The following ABCA4 variants were observed in gnomAD, a reference collection of about 807,000 sequenced individuals.
The protein encoded by ABCA4 is ATP binding cassette subfamily A member 4.
ABCA4 carries 196 observed loss-of-function variants against 263.7 expected under a neutral mutation model. The ratio of observed to expected loss-of-function variants is 0.74; its 90% CI spans 0.66 to 0.84. ABCA4 has a LOEUF of 0.84. Ranked by LOEUF, ABCA4 falls within the 40% of genes least tolerant of loss-of-function variation. The pLI is 0.00. For synonymous variants in ABCA4, 1,133 were observed against 1,094.2 expected (o/e 1.04, Z -0.70); for missense variants, 2,792 against 2,855.1 (o/e 0.98, Z 0.50).
At chr1:94,090,514 G>A (rs527929869) in intron 6 of ABCA4, among the ~76,000 whole-genome samples, 21 of 152,196 alleles carry the variant, frequency 1.4e-4, no homozygotes, top group Non-Finnish European at 2.5e-4. Flanking sequence ...ACTGGCCAGA[G>A]TCAACTCATT....
intron 3 of ABCA4, among the ~76,000 whole-genome samples, chr1:94,109,670 AGATG>A (rs1422015149): frequency 1.3e-5 from 2 of 152,200 alleles, no homozygotes; most frequent in Non-Finnish European, 2.9e-5. Context: ...TGGCAGGCCC[AGATG>A]GAAGAGAGTT....
intron 44 of ABCA4, among the ~76,000 whole-genome samples, chr1:94,004,032 A>G (rs1416933621): frequency 6.6e-6 from 1 of 152,096 alleles, no homozygotes; most frequent in African/African-American, 2.4e-5. Context: ...GGAACTTATC[A>G]TTTATTGGAG....
In ABCA4 at chr1:94,081,747, T is replaced by C. The variant is rs75017380; in HGVS notation, c.859-1029A>G. Among the ~76,000 whole-genome samples the C allele has an allele frequency of 7.0e-3, 1,060 of 152,342 alleles. 13 individuals are homozygous for C. The highest frequency in any genetic ancestry group is 0.046 in the East Asian group (239 of 5,188). On this transcript the variant is annotated intron_variant, in intron 7 of 49. Transcript: ENST00000370225. ...GAGGTTGGTGGCCTTCTCTTCTCCA[T>C]GTGGGCACCCTGTGGTGCTTGCTGG...
chr1:94,077,973 G>T, intron 10 of ABCA4, 86 bp from the exon 11 acceptor site: 11 of 1,373,308 alleles, frequency 8.0e-6, no homozygotes, highest in Non-Finnish European at 1.1e-5. Context: ...CTAATTTTTA[G>T]TGATTGAGGA....
chr1:94,120,929 CTGTT>C lies in ABCA4; in HGVS notation c.66+47_66+50del, dbSNP rs930449885. 2.2e-6 allele frequency: 3 copies of C among 1,391,662 alleles called. No individual in the cohort carries two copies. The African/African-American group carries it at 4.4e-5, about 20-fold the overall frequency. 86.2% of individuals were successfully genotyped at this position (1,391,662 alleles called of 1,614,324 possible). On this transcript the variant is annotated intron_variant, in intron 1 of 49. Coordinates refer to ENST00000370225, the MANE Select transcript of ABCA4 (RefSeq NM_000350.3). ...CACCACCCCACCCCACACTTCCAAC[CTGTT>C]TATTTGCTCCACACCTCATTTTTAA...
intron 4 of ABCA4, among the ~76,000 whole-genome samples, chr1:94,104,713 T>C (rs1218134249): frequency 2.6e-5 from 4 of 152,234 alleles, no homozygotes; most frequent in Admixed American, 1.3e-4. Context: ...ATAGGAAAGA[T>C]CCAAGGACTT....
chr1:94,031,402 C>T (rs1660197649), intron 27 of ABCA4, among the ~76,000 whole-genome samples: 1 of 152,162 alleles, frequency 6.6e-6, no homozygotes, highest in South Asian at 2.1e-4. Flanking sequence ...ACGTGACTCA[C>T]TGTTCTTTAA....
chr1:93,998,841 C>T (rs1269196996), intron 47 of ABCA4, among the ~76,000 whole-genome samples: 1 of 151,446 alleles, frequency 6.6e-6, no homozygotes, highest in Non-Finnish European at 1.5e-5. Flanking sequence ...TGGGTTCAAG[C>T]AATTCTCCTG....
intron 1 of ABCA4, among the ~76,000 whole-genome samples, chr1:94,117,015 T>C (rs1042740637): frequency 3.5e-5 from 5 of 143,490 alleles, no homozygotes; most frequent in Admixed American, 2.8e-4. Flanking sequence ...TCTTTCTTTC[T>C]TTCTTTCTTT....
intron 14 of ABCA4, 74 bp downstream of exon 14, chr1:94,060,463 G>A: frequency 7.2e-7 from 1 of 1,389,876 alleles, no homozygotes; most frequent in Non-Finnish European, 1.0e-6. Context: ...GACTAATCCA[G>A]GCACATGAAC....
At chr1:94,008,405 G>A in intron 41 of ABCA4, 108 bp from the exon 42 acceptor site, 1 of 1,135,592 alleles carries the variant, frequency 8.8e-7, no homozygotes, top group Non-Finnish European at 1.3e-6. Flanking sequence ...ACCAGCACTA[G>A]GAGGTTACAT....
chr1:94,044,812 C>G (rs1660629041), intron 19 of ABCA4, 68 bp from the exon 20 acceptor site: 1 of 1,609,912 alleles, frequency 6.2e-7, no homozygotes. Flanking sequence ...GGGCCACCCC[C>G]ACACCAGGTT....
intron 7 of ABCA4, among the ~76,000 whole-genome samples, chr1:94,081,563 C>A (rs1661703280): frequency 6.6e-6 from 1 of 152,138 alleles, no homozygotes; most frequent in African/African-American, 2.4e-5. Flanking sequence ...TCTTCCATTT[C>A]CTTGAAATGT....
chr1:94,109,139 T>C (rs1158292004), intron 3 of ABCA4, among the ~76,000 whole-genome samples: 3 of 151,630 alleles, frequency 2.0e-5, no homozygotes, highest in African/African-American at 7.3e-5. Flanking sequence ...CTTACAATAC[T>C]GCCAAGGCAG....
intron 11 of ABCA4, among the ~76,000 whole-genome samples, chr1:94,072,508 A>AG (rs1661428525): frequency 1.3e-5 from 2 of 152,142 alleles, no homozygotes; most frequent in Admixed American, 1.3e-4. Context: ...TCCAAAGGGG[A>AG]GGGGTGTGTA....
rs1247681526 is a variant in ABCA4, at chr1:94,037,285, T to C, written c.3673A>G (p.Ile1225Val). 1.2e-6 allele frequency: 2 copies of C among 1,614,102 alleles called. No homozygotes were observed. The highest frequency in any genetic ancestry group is 1.7e-6 in the Non-Finnish European group (2 of 1,180,054). Residue 1225 changes from isoleucine to valine, a missense_variant, in exon 25 of 50, where the codon ATT (isoleucine) becomes GTT (valine). Transcript: ENST00000370225. Reference protein sequence around the residue: ...HVPEAKLVECIGQELIFLLPN... With the variant: ...HVPEAKLVECVGQELIFLLPN... ...AGAAGGAAGATAAGTTCTTGACCAA[T>C]GCACTCCACCAGCTTTGCCTCTGGA...
intron 15 of ABCA4, among the ~76,000 whole-genome samples, chr1:94,056,139 T>C (rs1660971851): frequency 1.3e-5 from 2 of 152,212 alleles, no homozygotes; most frequent in Admixed American, 6.5e-5. Flanking sequence ...TCTGCAAACA[T>C]TGGTAGAGCA....
In ABCA4 at chr1:94,098,053, G is replaced by C. The variant is rs75477046; in HGVS notation, c.768+741C>G. Among the ~76,000 whole-genome samples the C allele has an allele frequency of 3.7e-3, 556 of 152,264 alleles. 5 individuals carry two copies. The highest frequency in any genetic ancestry group is 7.2e-3 in the Admixed American group (110 of 15,300). On this transcript the variant is annotated intron_variant, in intron 6 of 49. Transcript: ENST00000370225. Reference sequence around the variant, plus strand: ...ATTACAGGCGTGAGCCACTGCGCCCGGCCCTCTGATGGTTTTTATGCACTT... The same window carrying C: ...ATTACAGGCGTGAGCCACTGCGCCCCGCCCTCTGATGGTTTTTATGCACTT...
rs139908205 is a variant in ABCA4, at chr1:94,054,604, G to A, written c.2587+507C>T. Among the ~76,000 whole-genome samples the A allele has an allele frequency of 9.5e-4, 144 of 152,272 alleles. 1 individual carries two copies. Among genetic ancestry groups the A allele is most frequent in the African/African-American group, 3.2e-3 (133 of 41,542 alleles). On this transcript the variant is annotated intron_variant, in intron 16 of 49. Coordinates refer to ENST00000370225, the MANE Select transcript of ABCA4 (RefSeq NM_000350.3). ...AAGGCCCTGAAGAGGAAATGCGCTC[G>A]GTGTATTAAACAGTCAGTAAGGAGG... is the stretch of plus-strand genomic sequence containing the variant.
Sources: allele counts gnomAD v4.1 joint callset (sites outside exome capture counted in the v4.1 genomes callset), GRCh38; gene constraint gnomAD v4.1.1; transcripts MANE v1.5; gene names NCBI Gene and HGNC (gene_info 2026-07-23, HGNC 2026-07-21).